GNA14: variants seen among roughly 807,000 people sequenced by gnomAD.
GNA14 encodes guanine nucleotide-binding protein subunit alpha-14.
A neutral mutation model predicts 42.0 loss-of-function variants in GNA14; 50 were observed. The ratio of observed to expected loss-of-function variants is 1.19; its 90% CI spans 0.95 to 1.51. GNA14 has a LOEUF of 1.51. Among genes scored for constraint, GNA14 ranks in the 40% most tolerant of loss-of-function variants. The pLI is 0.00. For synonymous variants in GNA14, 173 were observed against 163.1 expected (o/e 1.06, Z -0.46); for missense variants, 473 against 446.2 (o/e 1.06, Z -0.54).
chr9:77,463,480 C>T (rs866846644), intron 2 of GNA14, among the ~76,000 whole-genome samples: 3 of 152,218 alleles, frequency 2.0e-5, no homozygotes, highest in South Asian at 4.1e-4. Context: ...TCTCCCAGCC[C>T]GGGGTAGGAC....
intron 1 of GNA14, among the ~76,000 whole-genome samples, chr9:77,620,085 T>TGCACACACACACACGTGC (rs1823896666): frequency 6.6e-6 from 1 of 151,512 alleles, no homozygotes; most frequent in South Asian, 2.1e-4. Flanking sequence ...TACGTGTGTG[T>TGCACACACACACACGTGC]GCACACACAC....
intron 1 of GNA14, among the ~76,000 whole-genome samples, chr9:77,606,167 T>C (rs1181298404): frequency 6.6e-6 from 1 of 152,216 alleles, no homozygotes; most frequent in Non-Finnish European, 1.5e-5. Context: ...TTTTAAAGCC[T>C]TGACCCAGGA....
intron 2 of GNA14, among the ~76,000 whole-genome samples, chr9:77,435,944 T>C (rs114156284): frequency 6.6e-6 from 1 of 152,348 alleles, no homozygotes; most frequent in African/African-American, 2.4e-5. Flanking sequence ...CAGGGCTGGC[T>C]ACAGCAGCAG....
chr9:77,572,044 T>C (rs17786160), intron 1 of GNA14, among the ~76,000 whole-genome samples: 5,901 of 152,220 alleles, frequency 0.039, 122 homozygotes, highest in South Asian at 0.07. Context: ...AAGAGAGTGG[T>C]GGCTGAGACC....
At chr9:77,506,655 A>G (rs551242966) in intron 2 of GNA14, among the ~76,000 whole-genome samples, 2 of 152,126 alleles carry the variant, frequency 1.3e-5, no homozygotes, top group Non-Finnish European at 2.9e-5. Context: ...CCACCCTGTC[A>G]ACAGAGCGAG....
intron 1 of GNA14, among the ~76,000 whole-genome samples, chr9:77,532,911 A>T (rs1445416815): frequency 1.3e-5 from 2 of 152,106 alleles, no homozygotes; most frequent in African/African-American, 2.4e-5. Context: ...CTTTTAACTG[A>T]AAGGTGAATT....
At chr9:77,543,728 T>TCC (rs1179597405) in intron 1 of GNA14, among the ~76,000 whole-genome samples, 1 of 152,190 alleles carries the variant, frequency 6.6e-6, no homozygotes, top group Non-Finnish European at 1.5e-5. Flanking sequence ...TGCTTCCCTC[T>TCC]CCTTCTTTGC....
At chr9:77,451,213 C>A (rs1049395219) in intron 2 of GNA14, among the ~76,000 whole-genome samples, 4 of 152,146 alleles carry the variant, frequency 2.6e-5, no homozygotes, top group African/African-American at 9.7e-5. Context: ...ATGAATTTAT[C>A]TGACCCTAAG....
chr9:77,448,265 C>T (rs916350669), intron 2 of GNA14, among the ~76,000 whole-genome samples: 41 of 152,230 alleles, frequency 2.7e-4, no homozygotes, highest in African/African-American at 9.6e-4. Context: ...CAGTCCCCAA[C>T]TCATGATGGT....
chr9:77,563,569 A>G (rs1822918002), intron 1 of GNA14, among the ~76,000 whole-genome samples: 1 of 152,158 alleles, frequency 6.6e-6, no homozygotes, highest in Admixed American at 6.6e-5. Context: ...CTTATCATGT[A>G]AAAGAAAATT....
intron 2 of GNA14, among the ~76,000 whole-genome samples, chr9:77,480,701 A>G (rs1836534259): frequency 6.6e-6 from 1 of 152,142 alleles, no homozygotes; most frequent in Admixed American, 6.5e-5. Flanking sequence ...TTGGTAAGCT[A>G]TTGATTATTG....
At chr9:77,635,658 T>C (rs1288921028) in intron 1 of GNA14, among the ~76,000 whole-genome samples, 2 of 152,200 alleles carry the variant, frequency 1.3e-5, no homozygotes, top group Non-Finnish European at 2.9e-5. Context: ...GCCTTTGCAT[T>C]GATGTGTATA....
chr9:77,566,290 G>C lies in GNA14; in HGVS notation c.125-37037C>G, dbSNP rs186996749. Among the ~76,000 whole-genome samples the C allele has an allele frequency of 5.9e-5, 9 of 151,898 alleles. No individual in the cohort carries two copies. The East Asian group carries it at 1.7e-3, about 29-fold the overall frequency. On this transcript the variant is annotated intron_variant, in intron 1 of 6. Coordinates refer to ENST00000341700, the MANE Select transcript of GNA14 (RefSeq NM_004297.4). ...GAGCCTCAGCCTCCTGAGTAGCTGG[G>C]ATTACAGGCGTGTGCCACCATGCCT... is the stretch of plus-strand genomic sequence containing the variant.
chr9:77,587,609 G>A (rs1406670202), intron 1 of GNA14, among the ~76,000 whole-genome samples: 2 of 152,196 alleles, frequency 1.3e-5, no homozygotes, highest in African/African-American at 4.8e-5. Context: ...AACACAGATT[G>A]GTGGTTATCT....
chr9:77,466,113 C>T (rs1836218853), intron 2 of GNA14, among the ~76,000 whole-genome samples: 1 of 152,168 alleles, frequency 6.6e-6, no homozygotes, highest in Non-Finnish European at 1.5e-5. Context: ...GCATTGATCC[C>T]ACTTAGATTT....
chr9:77,605,556 G>A (rs145169342), intron 1 of GNA14, among the ~76,000 whole-genome samples: 324 of 152,234 alleles, frequency 2.1e-3, no homozygotes, highest in South Asian at 4.6e-3. Flanking sequence ...AAGAAAATGT[G>A]GTTCATTAAC....
intron 1 of GNA14, among the ~76,000 whole-genome samples, chr9:77,627,419 A>G (rs1824027579): frequency 6.6e-6 from 1 of 152,154 alleles, no homozygotes; most frequent in African/African-American, 2.4e-5. Context: ...AACCTGGCAG[A>G]GACACAACAA....
chr9:77,570,398 G>A (rs557406007), intron 1 of GNA14, among the ~76,000 whole-genome samples: 1 of 152,156 alleles, frequency 6.6e-6, no homozygotes, highest in African/African-American at 2.4e-5. Flanking sequence ...GTGACTCCTT[G>A]CCCCCACCAC....
intron 1 of GNA14, among the ~76,000 whole-genome samples, chr9:77,564,021 C>T (rs911999101): frequency 1.3e-5 from 2 of 152,132 alleles, no homozygotes; most frequent in African/African-American, 2.4e-5. Flanking sequence ...TCCCTCAGCT[C>T]GTTTGATCTA....
Sources: gnomAD v4.1 joint callset for allele counts (sites outside exome capture counted in the v4.1 genomes callset) on GRCh38, gnomAD v4.1.1 for gene constraint, MANE v1.5 for transcripts, NCBI Gene and HGNC (gene_info 2026-07-23, HGNC 2026-07-21) for gene names.